SHOC1: variants seen among roughly 807,000 people sequenced by gnomAD.
SHOC1 encodes the protein shortage in chiasmata 1, also known as protein shortage in chiasmata 1 ortholog.
A neutral mutation model predicts 179.2 loss-of-function variants in SHOC1; 136 were observed. That is an observed-to-expected ratio of 0.76 (90% confidence interval 0.66 to 0.87). The LOEUF is 0.87. Among genes scored for constraint, SHOC1 ranks in the 40% least tolerant of loss-of-function variants. The probability of loss-of-function intolerance (pLI) is 0.00; values close to 1 mark genes in which losing one functional copy is unlikely to be tolerated. For missense variants in SHOC1, 1,538 were observed against 1,700.8 expected (o/e 0.90, Z 1.68); for synonymous variants, 489 against 586.6 (o/e 0.83, Z 2.41).
In SHOC1 at chr9:111,790,862, A is replaced by G. The variant is rs568846894; in HGVS notation, c.45+512T>C. Among the ~76,000 whole-genome samples, 373 of 152,336 alleles carry G rather than the reference A, an allele frequency of 2.4e-3. 2 individuals are homozygous for G. The highest frequency in any genetic ancestry group is 4.6e-3 in the South Asian group (22 of 4,826). ...TGCCCAGCCAAAAGTGGCATTTTAA[A>G]GACATTAAATGTGGAAAATAATTTT... On this transcript the variant is annotated intron_variant, in intron 2 of 27. Transcript: ENST00000682961.
At chr9:111,789,493 G>GT (rs1380611061) in intron 2 of SHOC1, among the ~76,000 whole-genome samples, 1 of 151,398 alleles carries the variant, frequency 6.6e-6, no homozygotes, top group African/African-American at 2.4e-5. Flanking sequence ...GTTTTTTTAA[G>GT]TTTTTTTTAA....
In SHOC1 at chr9:111,746,329, C is replaced by T. The variant is rs751703167; in HGVS notation, c.984G>A (p.Met328Ile). Residue 328 changes from methionine (M) to isoleucine (I), a missense_variant, in exon 10 of 28, where the codon ATG (methionine) becomes ATA (isoleucine). Physicochemically the swap from Met to Ile is conservative, Grantham distance 10. Coordinates refer to ENST00000682961, the MANE Select transcript of SHOC1 (RefSeq NM_001378211.1). ...EECSKPGELE[M>I]PLTPLFLTCQ... ...ATGTTAGGAATAGAGGAGTTAGTGG[C>T]ATTTCTAACTCTCCTGGAATATATG... is the stretch of plus-strand genomic sequence containing the variant. The T allele has an allele frequency of 6.3e-7, 1 of 1,594,950 alleles. No homozygotes were observed. The highest frequency in any genetic ancestry group is 1.1e-5 in the South Asian group (1 of 90,646).
At chr9:111,697,506 G>A (rs6477843) in intron 24 of SHOC1, among the ~76,000 whole-genome samples, 92,154 of 151,802 alleles carry the variant, frequency 0.61, 28,403 homozygotes, top group East Asian at 0.89. Flanking sequence ...CCATGTCCCT[G>A]CAAAGGACAT....
In SHOC1 at chr9:111,748,865, C is replaced by T. The variant is rs141654351; in HGVS notation, c.863-666G>A. Among the ~76,000 whole-genome samples the T allele has an allele frequency of 1.2e-3, 159 of 135,006 alleles. No individual in the cohort carries two copies. In the East Asian group the frequency reaches 0.033, roughly 28 times the overall value. 88.6% of individuals were successfully genotyped at this position (135,006 alleles called of 152,430 possible). The stretch of plus-strand genomic sequence containing the variant: ...CTCCTTTGTTTCCAGCTGTCTGACA[C>T]ATTTTGCCTATCCCTTTTTTATCTT... On this transcript the variant is annotated intron_variant, in intron 8 of 27. Coordinates refer to ENST00000682961, the MANE Select transcript of SHOC1 (RefSeq NM_001378211.1).
rs1564161086 is a variant in SHOC1, at chr9:111,769,975, G to GTTTGTTTTTTTTTTTTTT, written c.442+5815_442+5816insAAAAAAAAAAAAAACAAA. 1.1e-4 allele frequency among the ~76,000 whole-genome samples: 10 copies of GTTTGTTTTTTTTTTTTTT among 87,796 alleles called. 1 individual carries two copies. Among genetic ancestry groups the GTTTGTTTTTTTTTTTTTT allele is most frequent in the African/African-American group, 3.7e-4 (7 of 18,826 alleles). The allele number at this position is 87,796 out of a possible 152,430, so 57.6% of individuals were successfully genotyped here. ...AATCTAGCGAAAGGTTTTATCTTCT[G>GTTTGTTTTTTTTTTTTTT]TTTTTTTTTTGTTTTTTTTTTTTTT... On this transcript the variant is annotated intron_variant, in intron 5 of 27. Coordinates refer to ENST00000682961, the MANE Select transcript of SHOC1 (RefSeq NM_001378211.1).
intron 8 of SHOC1, 42 bp downstream of exon 8, chr9:111,756,283 A>G: frequency 6.7e-7 from 1 of 1,486,046 alleles, no homozygotes. Context: ...AAACATTCTT[A>G]AGTGGTTTTT....
chr9:111,695,173 T>G (rs1165514726), intron 24 of SHOC1, among the ~76,000 whole-genome samples: 2 of 152,272 alleles, frequency 1.3e-5, no homozygotes, highest in African/African-American at 2.4e-5. Flanking sequence ...GTTCATGAGT[T>G]AGCAGTTTAA....
chr9:111,690,835 C>T (rs1202885638), intron 27 of SHOC1, among the ~76,000 whole-genome samples: 2 of 152,212 alleles, frequency 1.3e-5, no homozygotes, highest in Non-Finnish European at 2.9e-5. Flanking sequence ...TGGCCCCTCT[C>T]AGGCCTCACA....
chr9:111,779,554 CTT>C (rs1835959409), intron 4 of SHOC1, among the ~76,000 whole-genome samples: 1 of 152,186 alleles, frequency 6.6e-6, no homozygotes, highest in Non-Finnish European at 1.5e-5. Flanking sequence ...GTTAATTTCT[CTT>C]TGATTGCCCA....
chr9:111,765,654 T>C (rs1194430448), intron 5 of SHOC1, among the ~76,000 whole-genome samples: 1 of 152,118 alleles, frequency 6.6e-6, no homozygotes, highest in African/African-American at 2.4e-5. Flanking sequence ...ACCCAAGTTC[T>C]TTCCATCTTT....
At chr9:111,742,200 A>G (rs548175254) in intron 10 of SHOC1, among the ~76,000 whole-genome samples, 1 of 152,266 alleles carries the variant, frequency 6.6e-6, no homozygotes, top group Admixed American at 6.5e-5. Context: ...TTCCCTCCAT[A>G]AACTATGCTA....
intron 1 of SHOC1, among the ~76,000 whole-genome samples, 157 bp from the exon 2 acceptor site, chr9:111,791,611 TG>T (rs1326060972): frequency 6.6e-6 from 1 of 152,158 alleles, no homozygotes; most frequent in East Asian, 1.9e-4. Context: ...AAATCTAATA[TG>T]AAAATAATGT....
At chr9:111,734,178 G>A (rs1288804828) in intron 12 of SHOC1, among the ~76,000 whole-genome samples, 1 of 152,074 alleles carries the variant, frequency 6.6e-6, no homozygotes, top group Non-Finnish European at 1.5e-5. Flanking sequence ...TGGCAATCTT[G>A]CATCAAGCAA....
rs549779837 is a variant in SHOC1 at position 111,763,687 on chromosome 9, C to T, written c.443-4839G>A. On this transcript the variant is annotated intron_variant, in intron 5 of 27. Coordinates refer to ENST00000682961, the MANE Select transcript of SHOC1 (RefSeq NM_001378211.1). The stretch of plus-strand genomic sequence containing the variant: ...AGTGGAAGTACTGTACTAAAAGGAA[C>T]GAAAAAACTGACTAAACTGGCAGCT... 4.0e-4 allele frequency among the ~76,000 whole-genome samples: 61 copies of T among 152,112 alleles called. 1 individual carries two copies. The highest frequency in any genetic ancestry group is 1.4e-3 in the African/African-American group (58 of 41,500).
At chr9:111,776,936 G>A (rs2131620890) in intron 4 of SHOC1, among the ~76,000 whole-genome samples, 1 of 152,314 alleles carries the variant, frequency 6.6e-6, no homozygotes, top group Non-Finnish European at 1.5e-5. Context: ...CGGGACACCG[G>A]TCTTTTATTA....
At chr9:111,790,553 CT>C (rs1050939963) in intron 2 of SHOC1, among the ~76,000 whole-genome samples, 10 of 151,346 alleles carry the variant, frequency 6.6e-5, no homozygotes, top group African/African-American at 1.2e-4. Flanking sequence ...CCAAAAGTGG[CT>C]TTTTTTTTGA....
intron 22 of SHOC1, 91 bp from the exon 23 acceptor site, chr9:111,702,317 T>C (rs1832015775): frequency 1.1e-6 from 1 of 896,640 alleles, no homozygotes; most frequent in Non-Finnish European, 1.7e-6. Context: ...CTATGACATA[T>C]AAATAAGTTG....
chr9:111,702,589 A>G (rs1202236642), intron 22 of SHOC1, among the ~76,000 whole-genome samples: 1 of 152,248 alleles, frequency 6.6e-6, no homozygotes, highest in Admixed American at 6.5e-5. Context: ...TTTGTGGACT[A>G]GGATCTGGTC....
At chr9:111,794,098 C>G (rs998617162) in intron 1 of SHOC1, among the ~76,000 whole-genome samples, 1 of 150,856 alleles carries the variant, frequency 6.6e-6, no homozygotes, top group Non-Finnish European at 1.5e-5. Flanking sequence ...GCAATCCTCT[C>G]GCCTCAGCCT....
Sources: gnomAD v4.1 joint callset for allele counts (sites outside exome capture counted in the v4.1 genomes callset) on GRCh38, gnomAD v4.1.1 for gene constraint, MANE v1.5 for transcripts, NCBI Gene and HGNC (gene_info 2026-07-23, HGNC 2026-07-21) for gene names.